BABAM2: variants seen among roughly 807,000 people sequenced by gnomAD.
The protein encoded by BABAM2 is BRISC and BRCA1 A complex member 2.
BABAM2 carries 31 observed loss-of-function variants against 54.7 expected under a neutral mutation model. The observed-to-expected ratio is 0.57, with a 90% CI of 0.43 to 0.77. The LOEUF is 0.77. BABAM2 is among the 30% of genes least tolerant of loss of function. The probability of loss-of-function intolerance (pLI) is 0.00; values close to 1 mark genes in which losing one functional copy is unlikely to be tolerated. For missense variants in BABAM2, 364 were observed against 455.8 expected (o/e 0.80, Z 1.83); for synonymous variants, 167 against 162.9 (o/e 1.03, Z -0.19).
intron 4 of BABAM2, among the ~76,000 whole-genome samples, chr2:28,014,593 C>A (rs1414692647): frequency 2.1e-5 from 3 of 142,546 alleles, no homozygotes; most frequent in Non-Finnish European, 4.6e-5. Flanking sequence ...ATTTGCATTT[C>A]TTTCTTTCTT....
At chr2:28,314,691 G>A (rs1485675730) in intron 11 of BABAM2, among the ~76,000 whole-genome samples, 3 of 152,214 alleles carry the variant, frequency 2.0e-5, no homozygotes, top group Non-Finnish European at 4.4e-5. Flanking sequence ...GTGAACTAGA[G>A]GAGGGATGAG....
intron 11 of BABAM2, chr2:28,308,350 G>A (rs1218087611): frequency 1.0e-5 from 5 of 476,314 alleles, no homozygotes; most frequent in African/African-American, 7.9e-5. Flanking sequence ...GCTTGGAAGA[G>A]CACTCCCAGG....
intron 6 of BABAM2, among the ~76,000 whole-genome samples, chr2:28,069,601 A>G (rs1663936763): frequency 6.6e-6 from 1 of 152,168 alleles, no homozygotes. Flanking sequence ...TTCGAGCAGG[A>G]TTGGCCCAAT....
At chr2:28,290,508 G>A (rs536310594) in intron 10 of BABAM2, among the ~76,000 whole-genome samples, 1 of 152,340 alleles carries the variant, frequency 6.6e-6, no homozygotes, top group Non-Finnish European at 1.5e-5. Flanking sequence ...TGGGCATGAA[G>A]TGGAAGTTCA....
chr2:28,058,052 G>A (rs1678571401), intron 6 of BABAM2, among the ~76,000 whole-genome samples: 1 of 152,034 alleles, frequency 6.6e-6, no homozygotes, highest in South Asian at 2.1e-4. Context: ...GCTGAGGCAG[G>A]AGAATGGCGT....
chr2:28,237,706 G>A lies in BABAM2; in HGVS notation c.780+405G>A, dbSNP rs138126021. Reference sequence around the variant, plus strand: ...ATGTGTTTGGCAGTAGTTGGTATCCGCGTAATTGTTTAAAACTACCTTCAT... The same window carrying A: ...ATGTGTTTGGCAGTAGTTGGTATCCACGTAATTGTTTAAAACTACCTTCAT... On this transcript the variant is annotated intron_variant, in intron 8 of 11. Coordinates refer to ENST00000379624, the MANE Select transcript of BABAM2 (RefSeq NM_199191.3). Among the ~76,000 whole-genome samples the A allele has an allele frequency of 2.6e-4, 40 of 152,252 alleles. No homozygotes were observed. In the East Asian group the frequency reaches 6.0e-3, roughly 23 times the overall value.
chr2:27,892,131 T>C (rs1484777578), intron 1 of BABAM2, among the ~76,000 whole-genome samples: 1 of 152,266 alleles, frequency 6.6e-6, no homozygotes, highest in African/African-American at 2.4e-5. Context: ...TATAGTGGAC[T>C]TGGAGAATCC....
At chr2:27,955,671 A>C (rs1010899648) in intron 3 of BABAM2, among the ~76,000 whole-genome samples, 1 of 152,208 alleles carries the variant, frequency 6.6e-6, no homozygotes, top group African/African-American at 2.4e-5. Flanking sequence ...TTGATTGTCA[A>C]GGACAGTAAC....
chr2:28,114,276 C>T (rs1573608979), intron 6 of BABAM2, among the ~76,000 whole-genome samples: 1 of 152,246 alleles, frequency 6.6e-6, no homozygotes. Flanking sequence ...GAAAACCCAT[C>T]GTCTCAGCCC....
intron 7 of BABAM2, among the ~76,000 whole-genome samples, chr2:28,230,091 A>C (rs1967999): frequency 0.86 from 129,713 of 151,678 alleles, 55,967 homozygotes; most frequent in East Asian, 1. Flanking sequence ...CAGAGTCCTT[A>C]CTTACAGCTA....
chr2:28,166,031 A>G (rs1673638966), intron 7 of BABAM2, among the ~76,000 whole-genome samples: 1 of 152,202 alleles, frequency 6.6e-6, no homozygotes, highest in South Asian at 2.1e-4. Context: ...CCTTATAATA[A>G]GAGGAAATTA....
chr2:27,913,314 A>G (rs181271015), intron 2 of BABAM2, among the ~76,000 whole-genome samples: 46 of 152,276 alleles, frequency 3.0e-4, no homozygotes, highest in Admixed American at 2.7e-3. Context: ...GAACTGGTCC[A>G]TGGACCTGCT....
At chr2:28,097,140 A>G (rs1328725919) in intron 6 of BABAM2, among the ~76,000 whole-genome samples, 1 of 152,172 alleles carries the variant, frequency 6.6e-6, no homozygotes, top group Non-Finnish European at 1.5e-5. Flanking sequence ...GAGGACATGA[A>G]TAAGAGCCAT....
At position 28,025,256 on chromosome 2, in the gene BABAM2, G is replaced by A. The variant is rs765650691; in HGVS notation, c.331G>A (p.Glu111Lys). 6.3e-7 allele frequency: 1 copy of A among 1,598,812 alleles called. No homozygotes were observed. Among genetic ancestry groups the A allele is most frequent in the South Asian group, 1.1e-5 (1 of 87,286 alleles). ...TGCCTCCTGGAATCCTTCAAATCCT[G>A]AATGTCTCTTACTTGTGGTGAAGGA... ...NLASWNPSNP[E>K]CLLLVVKELV... The change falls in exon 5 of 12, where the codon GAA (glutamate) becomes AAA (lysine). Residue 111 changes from glutamate (E) to lysine (K), a missense_variant. By Grantham distance (56) the Glu-to-Lys change is moderately conservative. Coordinates refer to ENST00000379624, the MANE Select transcript of BABAM2 (RefSeq NM_199191.3).
intron 10 of BABAM2, among the ~76,000 whole-genome samples, chr2:28,255,538 G>C (rs558744165): frequency 6.6e-6 from 1 of 152,318 alleles, no homozygotes; most frequent in Non-Finnish European, 1.5e-5. Context: ...GCCTGCCAAA[G>C]TGCTGGGATT....
chr2:28,163,227 AGT>A (rs1673281834), intron 7 of BABAM2, among the ~76,000 whole-genome samples: 1 of 151,950 alleles, frequency 6.6e-6, no homozygotes, highest in South Asian at 2.1e-4. Flanking sequence ...CCTTCTTCTG[AGT>A]GTGAAGCTCT....
intron 6 of BABAM2, among the ~76,000 whole-genome samples, chr2:28,077,286 A>C (rs1258422454): frequency 6.6e-6 from 1 of 152,242 alleles, no homozygotes; most frequent in Non-Finnish European, 1.5e-5. Flanking sequence ...TTTAAGAACT[A>C]AAGTTTTAAG....
chr2:28,268,252 C>T (rs1319869995), intron 10 of BABAM2, among the ~76,000 whole-genome samples: 3 of 152,180 alleles, frequency 2.0e-5, no homozygotes, highest in Non-Finnish European at 4.4e-5. Context: ...CAAGAGGATA[C>T]GTTGAGCCTA....
intron 7 of BABAM2, among the ~76,000 whole-genome samples, chr2:28,223,389 G>T (rs1270805913): frequency 6.6e-6 from 1 of 152,314 alleles, no homozygotes; most frequent in Middle Eastern, 3.4e-3. Flanking sequence ...ATTTCCTGGG[G>T]CAGTAGCTGG....
Sources: allele counts gnomAD v4.1 joint callset (sites outside exome capture counted in the v4.1 genomes callset), GRCh38; gene constraint gnomAD v4.1.1; transcripts MANE v1.5; gene names NCBI Gene and HGNC (gene_info 2026-07-23, HGNC 2026-07-21).